The following CACNA1E variants were observed in gnomAD, a reference collection of about 807,000 sequenced individuals.
CACNA1E encodes the protein voltage-dependent R-type calcium channel subunit alpha-1E.
In CACNA1E, 40 loss-of-function variants were observed where a neutral mutation model predicts 259.2. The ratio of observed to expected loss-of-function variants is 0.15; its 90% CI spans 0.12 to 0.20. The LOEUF is 0.20. CACNA1E is among the 10% of genes least tolerant of loss of function. The probability of loss-of-function intolerance (pLI) is 1.00; values close to 1 mark genes in which losing one functional copy is unlikely to be tolerated. For synonymous variants in CACNA1E, 1,104 were observed against 1,138.5 expected (o/e 0.97, Z 0.61); for missense variants, 1,874 against 3,040.1 (o/e 0.62, Z 9.02).
chr1:181,798,227 A>G lies in CACNA1E; in HGVS notation c.6400-65A>G, dbSNP rs1661977312. On this transcript the variant is annotated intron_variant, in intron 47 of 47. Coordinates refer to ENST00000367573, the MANE Select transcript of CACNA1E (RefSeq NM_001205293.3). This position sits in a 1 kb window ranked among gnomAD's most constrained non-coding sequence, Gnocchi z 4.2. ...AATTCAGATTCCAAGGACTCTCTTAACAGAGTTGCAAGTAGGGATCATGCC... is the reference window on the plus strand; with the variant it reads ...AATTCAGATTCCAAGGACTCTCTTAGCAGAGTTGCAAGTAGGGATCATGCC... 1.5e-6 allele frequency: 2 copies of G among 1,337,584 alleles called. No homozygotes were observed. Among genetic ancestry groups the G allele is most frequent in the Admixed American group, 2.0e-5 (1 of 50,604 alleles). The allele number at this position is 1,337,584 out of a possible 1,614,324, so 82.9% of individuals were successfully genotyped here.
At chr1:181,797,345 T>A (rs1661901225) in intron 47 of CACNA1E, among the ~76,000 whole-genome samples, 1 of 152,188 alleles carries the variant, frequency 6.6e-6, no homozygotes, top group Non-Finnish European at 1.5e-5. Flanking sequence ...AAGGAATAAC[T>A]ATCAGATCTG....
At position 181,336,570 on chromosome 1, in the gene CACNA1E, A is replaced by G. The variant is rs576166397; in HGVS notation, c.-15+18447A>G. Reference sequence around the variant, plus strand: ...TATTTATTTTATTGTGGTAAAATATATATGACATAAAATTTATCATGTTAG... The same window carrying G: ...TATTTATTTTATTGTGGTAAAATATGTATGACATAAAATTTATCATGTTAG... On this transcript the variant is annotated intron_variant, in intron 1 of 11. Transcript: ENST00000524607. Among the ~76,000 whole-genome samples, 3 of 152,376 alleles carry G rather than the reference A, an allele frequency of 2.0e-5. No homozygotes were observed. In the South Asian group the frequency reaches 6.2e-4, roughly 32 times the overall value.
chr1:181,785,657 C>G (rs1380758114), intron 42 of CACNA1E, 56 bp from the exon 43 acceptor site: 3 of 1,223,736 alleles, frequency 2.5e-6, no homozygotes, highest in African/African-American at 1.5e-5. Context: ...ATTTTCCCCA[C>G]AGCAAACTCC....
intron 6 of CACNA1E, among the ~76,000 whole-genome samples, chr1:181,629,652 T>C (rs1656514442): frequency 6.6e-6 from 1 of 151,968 alleles, no homozygotes; most frequent in South Asian, 2.1e-4. Context: ...AAAATTCTAA[T>C]ATAAGTATAT....
At chr1:181,661,603 C>T (rs1239564377) in intron 7 of CACNA1E, among the ~76,000 whole-genome samples, 1 of 152,146 alleles carries the variant, frequency 6.6e-6, no homozygotes, top group Non-Finnish European at 1.5e-5. Flanking sequence ...AAGCGTAACA[C>T]ACTTCATGAC....
At chr1:181,617,104 C>T (rs1461874486) in intron 6 of CACNA1E, among the ~76,000 whole-genome samples, 1 of 152,102 alleles carries the variant, frequency 6.6e-6, no homozygotes, top group Non-Finnish European at 1.5e-5. Context: ...TTATCAAATT[C>T]ATTAGTCTTC....
rs144146925 is a variant in CACNA1E at position 181,715,345 on chromosome 1, C to T, written c.1179C>T (p.Val393=). The T allele has an allele frequency of 5.7e-6, 9 of 1,591,774 alleles. No individual in the cohort carries two copies. Among genetic ancestry groups the T allele is most frequent in the Non-Finnish European group, 7.7e-6 (9 of 1,162,396 alleles). Reference sequence around the variant, plus strand: ...CCATTTGTTTCCATATAGAGGAAGTCATGCTCGCTGAAGAAAATAAAAATG... The same window carrying T: ...CCATTTGTTTCCATATAGAGGAAGTTATGCTCGCTGAAGAAAATAAAAATG... ...YRAWIDKAEE[V]MLAEENKNAG... The change falls in exon 9 of 48, where the codon GTC becomes GTT. Residue 393 remains valine, a synonymous_variant. Coordinates refer to ENST00000367573, the MANE Select transcript of CACNA1E (RefSeq NM_001205293.3).
intron 6 of CACNA1E, among the ~76,000 whole-genome samples, chr1:181,594,980 G>A (rs756235545): frequency 5.3e-5 from 8 of 152,160 alleles, no homozygotes; most frequent in Non-Finnish European, 7.3e-5. Context: ...GGTTTTTCAC[G>A]TATCATTTTT....
At chr1:181,784,593 T>A in intron 40 of CACNA1E, 68 bp from the exon 41 acceptor site, 1 of 1,080,108 alleles carries the variant, frequency 9.3e-7, no homozygotes, top group Non-Finnish European at 1.4e-6. Context: ...GCTCCTACCT[T>A]CACCTCCTCC....
chr1:181,536,850 T>G (rs557919388), intron 3 of CACNA1E, among the ~76,000 whole-genome samples: 73 of 152,002 alleles, frequency 4.8e-4, no homozygotes, highest in Non-Finnish European at 9.9e-4. Context: ...CCATTGCCCC[T>G]GCTTGTGGGC....
chr1:181,350,747 C>G (rs1224990110), intron 1 of CACNA1E, among the ~76,000 whole-genome samples: 1 of 152,110 alleles, frequency 6.6e-6, no homozygotes, highest in African/African-American at 2.4e-5. Context: ...CAGAAATGCC[C>G]ACCCTGCTTT....
chr1:181,359,100 A>G (rs570525216), intron 1 of CACNA1E, among the ~76,000 whole-genome samples: 15 of 152,218 alleles, frequency 9.9e-5, no homozygotes, highest in Non-Finnish European at 1.9e-4. Flanking sequence ...CTGTTTGTAA[A>G]ATAGAGGCTT....
rs115629634 is a variant in CACNA1E, at chr1:181,711,161, C to T, written c.1171+92C>T. On this transcript the variant is annotated intron_variant, in intron 8 of 47. Transcript: ENST00000367573. Reference sequence around the variant, plus strand: ...CCCAATGCTCCCATTCAAGGGGCAGCCTAGACAAGACAAGAGAGACACTCT... The same window carrying T: ...CCCAATGCTCCCATTCAAGGGGCAGTCTAGACAAGACAAGAGAGACACTCT... 177 of 861,350 alleles carry T rather than the reference C, an allele frequency of 2.1e-4. No homozygotes were observed. The African/African-American group carries it at 2.6e-3, about 13-fold the overall frequency. The allele number at this position is 861,350 out of a possible 1,614,324, so 53.4% of individuals were successfully genotyped here.
intron 1 of CACNA1E, among the ~76,000 whole-genome samples, chr1:181,379,967 T>G (rs1468177905): frequency 7.7e-6 from 1 of 130,554 alleles, no homozygotes; most frequent in African/African-American, 3.9e-5. Flanking sequence ...TGTCATAAGA[T>G]ATATATATAT....
intron 7 of CACNA1E, among the ~76,000 whole-genome samples, chr1:181,667,643 G>A (rs1648367762): frequency 6.6e-6 from 1 of 152,070 alleles, no homozygotes; most frequent in East Asian, 1.9e-4. Context: ...CACAGATAGA[G>A]GTTTCTAGAA....
At chr1:181,729,560 C>T (rs1333242977) in intron 18 of CACNA1E, among the ~76,000 whole-genome samples, 1 of 152,230 alleles carries the variant, frequency 6.6e-6, no homozygotes. Context: ...CCACTCCGAT[C>T]TCAGAACCTC....
At chr1:181,444,984 G>T (rs1660714590) in intron 2 of CACNA1E, among the ~76,000 whole-genome samples, 1 of 152,012 alleles carries the variant, frequency 6.6e-6, no homozygotes, top group Non-Finnish European at 1.5e-5. Flanking sequence ...CACATCTCTG[G>T]CTCACTGATG....
intron 3 of CACNA1E, among the ~76,000 whole-genome samples, chr1:181,569,697 C>A (rs1025389892): frequency 2.0e-5 from 3 of 152,166 alleles, no homozygotes; most frequent in African/African-American, 7.2e-5. Context: ...TCCGTGGATG[C>A]GTCTGTGGAT....
chr1:181,449,406 T>C (rs575972723), intron 2 of CACNA1E, among the ~76,000 whole-genome samples: 1 of 152,348 alleles, frequency 6.6e-6, no homozygotes, highest in African/African-American at 2.4e-5. Flanking sequence ...TCAGTATTCT[T>C]GCTCTTTTCT....
Sources: gnomAD v4.1 joint callset for allele counts (sites outside exome capture counted in the v4.1 genomes callset) on GRCh38, gnomAD v4.1.1 for gene constraint, Gnocchi (gnomAD v3.1) non-coding constraint, MANE v1.5 for transcripts, NCBI Gene and HGNC (gene_info 2026-07-23, HGNC 2026-07-21) for gene names.